The following CDH12 variants were observed in gnomAD, a reference collection of about 807,000 sequenced individuals.
CDH12 encodes cadherin-12.
A neutral mutation model predicts 74.1 loss-of-function variants in CDH12; 41 were observed. The ratio of observed to expected loss-of-function variants is 0.55; its 90% CI spans 0.43 to 0.72. CDH12 has a LOEUF of 0.72. Ranked by LOEUF, CDH12 falls within the 30% of genes least tolerant of loss-of-function variation. CDH12 has a pLI of 0.00. For missense variants in CDH12, 945 were observed against 977.2 expected, an observed-to-expected ratio of 0.97 and a Z score of 0.44; for synonymous variants, 399 against 355.0, an observed-to-expected ratio of 1.12 and a Z score of -1.39.
At chr5:22,797,069 G>C (rs1296339472) in intron 1 of CDH12, among the ~76,000 whole-genome samples, 1 of 150,242 alleles carries the variant, frequency 6.7e-6, no homozygotes, top group African/African-American at 2.4e-5. Context: ...GAATGTTTGT[G>C]TCACGCTCAA....
intron 6 of CDH12, among the ~76,000 whole-genome samples, chr5:21,880,617 T>TCTCTCTCTC (rs1175606424): frequency 1.9e-5 from 1 of 53,936 alleles, no homozygotes; most frequent in African/African-American, 8.3e-5. Context: ...CCTTCCTTCC[T>TCTCTCTCTC]TCTTTCTTTC....
chr5:22,485,576 C>T (rs2126631551), intron 2 of CDH12, among the ~76,000 whole-genome samples: 1 of 152,290 alleles, frequency 6.6e-6, no homozygotes, highest in Admixed American at 6.5e-5. Flanking sequence ...CTCCAGAAAG[C>T]ATTTGTATTA....
chr5:22,295,533 GC>G (rs1365360154), intron 3 of CDH12, among the ~76,000 whole-genome samples: 1 of 152,064 alleles, frequency 6.6e-6, no homozygotes, highest in African/African-American at 2.4e-5. Context: ...AGAAATAAAA[GC>G]ACCAATGCCT....
At chr5:21,876,428 C>A (rs1055587270) in intron 6 of CDH12, among the ~76,000 whole-genome samples, 1 of 152,186 alleles carries the variant, frequency 6.6e-6, no homozygotes, top group Admixed American at 6.5e-5. Context: ...TCCTGACCAT[C>A]ATTTATACTT....
intron 1 of CDH12, among the ~76,000 whole-genome samples, chr5:22,553,269 C>A (rs1238500491): frequency 6.6e-6 from 1 of 152,104 alleles, no homozygotes; most frequent in East Asian, 1.9e-4. Context: ...TTGTTGAAAT[C>A]AATTTCAAAG....
At chr5:22,468,436 A>G (rs1745821076) in intron 2 of CDH12, among the ~76,000 whole-genome samples, 1 of 152,204 alleles carries the variant, frequency 6.6e-6, no homozygotes, top group Non-Finnish European at 1.5e-5. Context: ...ATAACACAAA[A>G]ATGCCTCATT....
At chr5:22,700,538 A>G (rs1431756294) in intron 1 of CDH12, among the ~76,000 whole-genome samples, 2 of 152,236 alleles carry the variant, frequency 1.3e-5, no homozygotes, top group Non-Finnish European at 2.9e-5. Context: ...TGAAATATGT[A>G]TAATAACTTT....
chr5:22,508,388 T>C (rs1440344098), intron 1 of CDH12, among the ~76,000 whole-genome samples: 1 of 152,124 alleles, frequency 6.6e-6, no homozygotes, highest in African/African-American at 2.4e-5. Context: ...AATCAAAATA[T>C]TTTACCCCAA....
chr5:21,872,239 C>G (rs1427785025), intron 6 of CDH12, among the ~76,000 whole-genome samples: 2 of 152,126 alleles, frequency 1.3e-5, no homozygotes, highest in Non-Finnish European at 2.9e-5. Flanking sequence ...GTCCAAGGCC[C>G]CAGAAGCACT....
intron 1 of CDH12, among the ~76,000 whole-genome samples, chr5:22,586,586 A>T (rs1197082121): frequency 1.3e-5 from 2 of 151,594 alleles, no homozygotes; most frequent in African/African-American, 4.8e-5. Context: ...ATCAAATGAT[A>T]TCCTATAATT....
intron 5 of CDH12, among the ~76,000 whole-genome samples, chr5:22,005,585 A>T (rs1056599220): frequency 6.6e-6 from 1 of 151,990 alleles, no homozygotes; most frequent in African/African-American, 2.4e-5. Context: ...TTAAAAAAAA[A>T]AAAAACCCAC....
Position 21,823,287 on chromosome 5 carries a change from A to G in CDH12, c.815-6155T>C, listed in dbSNP as rs568691922. Among the ~76,000 whole-genome samples, 59 of 152,260 alleles carry G rather than the reference A, an allele frequency of 3.9e-4. 1 individual carries two copies. The East Asian group carries it at 0.011, about 28-fold the overall frequency. Reference sequence around the variant, plus strand: ...ACCATTGGGTTCTGTGAGGTCAGCTAATAGAAAACATTCCAAACAGAAGTA... The same window carrying G: ...ACCATTGGGTTCTGTGAGGTCAGCTGATAGAAAACATTCCAAACAGAAGTA... On this transcript the variant is annotated intron_variant, in intron 8 of 14. Coordinates refer to ENST00000382254, the MANE Select transcript of CDH12 (RefSeq NM_004061.5).
At chr5:22,532,077 A>C (rs552328487) in intron 1 of CDH12, among the ~76,000 whole-genome samples, 1 of 152,068 alleles carries the variant, frequency 6.6e-6, no homozygotes, top group East Asian at 1.9e-4. Context: ...ATGGAGCTGC[A>C]TAAGAATAAG....
chr5:22,717,774 G>T (rs534351610), intron 1 of CDH12, among the ~76,000 whole-genome samples: 1 of 152,140 alleles, frequency 6.6e-6, no homozygotes. Flanking sequence ...TACAGTTAGT[G>T]TATTGTTGCC....
intron 4 of CDH12, chr5:22,141,591 T>C (rs1746799216): frequency 6.6e-6 from 1 of 152,098 alleles, no homozygotes; most frequent in Non-Finnish European, 1.5e-5. Flanking sequence ...TTTTGGGGTT[T>C]TTTCCATGAG....
At chr5:21,939,563 G>GA (rs1306038719) in intron 6 of CDH12, among the ~76,000 whole-genome samples, 2 of 152,040 alleles carry the variant, frequency 1.3e-5, no homozygotes, top group Admixed American at 1.3e-4. Context: ...CCTCACAAAA[G>GA]AAAATTAGTT....
intron 7 of CDH12, among the ~76,000 whole-genome samples, chr5:21,853,616 A>C (rs1195594732): frequency 6.6e-6 from 1 of 151,668 alleles, no homozygotes; most frequent in Non-Finnish European, 1.5e-5. Context: ...CAACATTAAT[A>C]CATAATTAAT....
At chr5:22,702,276 G>C (rs1305150854) in intron 1 of CDH12, among the ~76,000 whole-genome samples, 1 of 152,070 alleles carries the variant, frequency 6.6e-6, no homozygotes, top group African/African-American at 2.4e-5. Context: ...AGGAGGCCTA[G>C]ACCCACTAAC....
chr5:22,829,256 T>C (rs1227355522), intron 1 of CDH12, among the ~76,000 whole-genome samples: 1 of 152,218 alleles, frequency 6.6e-6, no homozygotes, highest in African/African-American at 2.4e-5. Flanking sequence ...CTTAGTTAAC[T>C]ATCTGCAGTT....
Sources: gnomAD v4.1 joint callset for allele counts (sites outside exome capture counted in the v4.1 genomes callset) on GRCh38, gnomAD v4.1.1 for gene constraint, MANE v1.5 for transcripts, NCBI Gene and HGNC (gene_info 2026-07-23, HGNC 2026-07-21) for gene names.